Variants in CSGALNACT1 observed in about 807,000 individuals in gnomAD.
CSGALNACT1 encodes the protein chondroitin sulfate N-acetylgalactosaminyltransferase 1.
CSGALNACT1 carries 52 observed loss-of-function variants against 51.0 expected under a neutral mutation model. That is an observed-to-expected ratio of 1.02 (90% confidence interval 0.82 to 1.29). The LOEUF (loss-of-function observed/expected upper bound fraction) is 1.29, where lower values mean the gene tolerates loss of function less well. CSGALNACT1 is among the 50% of genes most tolerant of loss of function. CSGALNACT1 has a pLI of 0.00. For missense variants in CSGALNACT1, 935 were observed against 679.2 expected, an observed-to-expected ratio of 1.38 and a Z score of -4.19; for synonymous variants, 341 against 254.4, an observed-to-expected ratio of 1.34 and a Z score of -3.24.
At chr8:19,502,174 G>A (rs2076534031) in intron 4 of CSGALNACT1, among the ~76,000 whole-genome samples, 1 of 152,238 alleles carries the variant, frequency 6.6e-6, no homozygotes, top group Non-Finnish European at 1.5e-5. Flanking sequence ...CCAAAGGGGA[G>A]GTGGCTTGTC....
intron 3 of CSGALNACT1, among the ~76,000 whole-genome samples, chr8:19,520,026 C>A (rs1208755955): frequency 6.6e-6 from 1 of 152,192 alleles, no homozygotes; most frequent in African/African-American, 2.4e-5. Flanking sequence ...GTTTTGCTGG[C>A]GTGTTCTAGG....
At chr8:19,422,668 C>G (rs1352780833) in intron 6 of CSGALNACT1, among the ~76,000 whole-genome samples, 2 of 152,216 alleles carry the variant, frequency 1.3e-5, no homozygotes, top group African/African-American at 4.8e-5. Flanking sequence ...TGGCACCAGT[C>G]AAGGACACGC....
intron 1 of CSGALNACT1, among the ~76,000 whole-genome samples, chr8:19,734,789 C>T (rs28626631): frequency 0.23 from 34,651 of 151,862 alleles, 4,345 homozygotes; most frequent in African/African-American, 0.33. Flanking sequence ...CATAAAGTTA[C>T]TGAATGTCAA....
rs1422824821 is a variant in CSGALNACT1, at chr8:19,667,032, GAAGGAAGGAAGA to G, written c.-544+15429_-544+15440del. 2.0e-3 allele frequency among the ~76,000 whole-genome samples: 56 copies of G among 27,798 alleles called. 10 individuals are homozygous for G. The highest frequency in any genetic ancestry group is 7.6e-3 in the Admixed American group (20 of 2,624). The allele number at this position is 27,798 out of a possible 152,430, so 18.2% of individuals were successfully genotyped here. A position where few individuals can be genotyped will look rare whatever the true frequency, so the allele number is the denominator to read the frequency against. On this transcript the variant is annotated intron_variant, in intron 1 of 9. Transcript: ENST00000332246. ...GAAAGAAAGAAAGGAAGGAAGGAAG[GAAGGAAGGAAGA>G]AAGAAAGAAAGAAAGAAAGAAAGAA...
At chr8:19,680,882 A>G (rs972884178) in intron 1 of CSGALNACT1, among the ~76,000 whole-genome samples, 3 of 152,146 alleles carry the variant, frequency 2.0e-5, no homozygotes, top group African/African-American at 7.2e-5. Context: ...TTGATCTGCA[A>G]TGCCACTATT....
intron 3 of CSGALNACT1, among the ~76,000 whole-genome samples, chr8:19,578,769 T>G (rs2044867596): frequency 6.6e-6 from 1 of 152,198 alleles, no homozygotes; most frequent in African/African-American, 2.4e-5. Context: ...CGTCTGCCTC[T>G]ACCACTCCAC....
At chr8:19,754,359 T>A (rs900447914) in intron 1 of CSGALNACT1, among the ~76,000 whole-genome samples, 4 of 152,170 alleles carry the variant, frequency 2.6e-5, no homozygotes, top group African/African-American at 9.7e-5. Context: ...GCTAGCCAGA[T>A]AAAATTCCTT....
At chr8:19,532,643 TGCCTTCTA>T (rs1202687157) in intron 3 of CSGALNACT1, among the ~76,000 whole-genome samples, 11 of 152,184 alleles carry the variant, frequency 7.2e-5, no homozygotes, top group Admixed American at 3.3e-4. Context: ...GCCCTCTCCC[TGCCTTCTA>T]GCCTTGGCTC....
At chr8:19,516,337 G>A (rs937766384) in intron 3 of CSGALNACT1, among the ~76,000 whole-genome samples, 19 of 152,042 alleles carry the variant, frequency 1.2e-4, no homozygotes, top group Admixed American at 3.3e-4. Context: ...ACCCAGCTCC[G>A]TCTGATTCTT....
chr8:19,579,998 T>C (rs903546315), intron 3 of CSGALNACT1, among the ~76,000 whole-genome samples: 2 of 152,178 alleles, frequency 1.3e-5, no homozygotes, highest in Admixed American at 6.5e-5. Context: ...TGGTCTTCAA[T>C]AAAGGCACAC....
At chr8:19,509,621 C>CAAAA (rs755422032) in intron 3 of CSGALNACT1, among the ~76,000 whole-genome samples, 3 of 56,976 alleles carry the variant, frequency 5.3e-5, no homozygotes, top group Non-Finnish European at 6.4e-5. Context: ...GACTCTGTCT[C>CAAAA]AAAAAAAAAA....
rs73667663 is a variant in CSGALNACT1 at position 19,474,969 on chromosome 8, A to G, written c.635-16327T>C. Among the ~76,000 whole-genome samples, 379 of 152,276 alleles carry G rather than the reference A, an allele frequency of 2.5e-3. 3 individuals carry two copies. Among genetic ancestry groups the G allele is most frequent in the African/African-American group, 8.6e-3 (356 of 41,560 alleles). On this transcript the variant is annotated intron_variant, in intron 4 of 9. Coordinates refer to ENST00000454498, the Ensembl canonical transcript of CSGALNACT1. ...AATAAAAACATAGACCTTGCTATGG[A>G]AAGGGCTCAAATTTGCAGCACAGAA...
At chr8:19,717,238 C>T (rs548387705) in intron 1 of CSGALNACT1, among the ~76,000 whole-genome samples, 2 of 152,336 alleles carry the variant, frequency 1.3e-5, no homozygotes, top group South Asian at 2.1e-4. Flanking sequence ...TTAGTGAAGC[C>T]ACACCAGTTA....
upstream of CSGALNACT1, among the ~76,000 whole-genome samples, chr8:19,603,024 A>G (rs1376655801): frequency 4.1e-5 from 6 of 146,420 alleles, no homozygotes; most frequent in Middle Eastern, 3.6e-3. Flanking sequence ...ATACAAACAT[A>G]CAATTTGCTA....
intron 1 of CSGALNACT1, among the ~76,000 whole-genome samples, chr8:19,651,815 G>C (rs1204691238): frequency 6.6e-6 from 1 of 152,108 alleles, no homozygotes; most frequent in Admixed American, 6.5e-5. Context: ...GTGTTTTGAA[G>C]TTCTTTCAGA....
At chr8:19,436,392 A>G (rs2060379934) in intron 6 of CSGALNACT1, among the ~76,000 whole-genome samples, 1 of 152,176 alleles carries the variant, frequency 6.6e-6, no homozygotes, top group African/African-American at 2.4e-5. Context: ...CCCATCTGGC[A>G]GGGATCACAG....
intron 4 of CSGALNACT1, among the ~76,000 whole-genome samples, chr8:19,478,199 G>A (rs963037505): frequency 2.4e-4 from 36 of 152,164 alleles, no homozygotes; most frequent in African/African-American, 8.7e-4. Context: ...TGGATCACGA[G>A]GTCAGGAGAT....
In CSGALNACT1 at chr8:19,440,855, G is replaced by A. The variant is rs2061219046; in HGVS notation, c.852-924C>T. On this transcript the variant is annotated intron_variant, in intron 5 of 9. Transcript: ENST00000454498. ...GCCCAAAATCTCCCTAAGCTGATAA[G>A]CAACTTCAGCAAAGTCTCAGGATAT... is the stretch of plus-strand genomic sequence containing the variant. Among the ~76,000 whole-genome samples the A allele has an allele frequency of 2.0e-5, 3 of 152,136 alleles. 1 individual carries two copies. Among genetic ancestry groups the A allele is most frequent in the African/African-American group, 7.2e-5 (3 of 41,420 alleles).
intron 3 of CSGALNACT1, among the ~76,000 whole-genome samples, chr8:19,554,493 T>C (rs1425951227): frequency 1.8e-5 from 1 of 55,988 alleles, no homozygotes; most frequent in Non-Finnish European, 3.3e-5. Flanking sequence ...AAATATACTA[T>C]TAAGTTACTT....
Sources: allele counts gnomAD v4.1 joint callset (sites outside exome capture counted in the v4.1 genomes callset), GRCh38; gene constraint gnomAD v4.1.1; transcripts MANE v1.5; gene names NCBI Gene and HGNC (gene_info 2026-07-23, HGNC 2026-07-21).